SHMT1: variants seen among roughly 807,000 people sequenced by gnomAD.
SHMT1 encodes serine hydroxymethyltransferase, cytosolic.
Under a neutral mutation model 49.0 loss-of-function variants are expected in SHMT1, and 45 were observed. That is an observed-to-expected ratio of 0.92 (90% CI 0.72 to 1.18). The LOEUF is 1.18. Ranked by LOEUF, SHMT1 falls within the 50% of genes most tolerant of loss-of-function variation. SHMT1 has a pLI of 0.00. For synonymous variants in SHMT1, 232 were observed against 246.6 expected, an observed-to-expected ratio of 0.94 and a Z score of 0.55; for missense variants, 541 against 612.4, an observed-to-expected ratio of 0.88 and a Z score of 1.23.
chr17:18,356,033 A>C (rs765889531), intron 1 of SHMT1, 33 bp from the exon 2 acceptor site: 9 of 989,808 alleles, frequency 9.1e-6, no homozygotes, highest in Admixed American at 1.9e-5. Context: ...TGTAGCTTCC[A>C]GAATTAAATT....
At chr17:18,342,268 G>A (rs1031079745) in intron 5 of SHMT1, among the ~76,000 whole-genome samples, 3 of 152,064 alleles carry the variant, frequency 2.0e-5, no homozygotes, top group African/African-American at 7.2e-5. Flanking sequence ...GAACTTGGAG[G>A]ACCTTATGCT....
intron 9 of SHMT1, chr17:18,330,915 G>T: frequency 1.9e-6 from 1 of 528,474 alleles, no homozygotes; most frequent in East Asian, 3.7e-5. Flanking sequence ...ACACTCCCAT[G>T]GGGAAGGGAC....
At chr17:18,333,001 G>A in intron 9 of SHMT1, 165 bp downstream of exon 9, 1 of 832,858 alleles carries the variant, frequency 1.2e-6, no homozygotes, top group Non-Finnish European at 2.0e-6. Context: ...GTCTGAGGCA[G>A]GGGGAGGCTT....
At chr17:18,354,875 T>TA (rs1228722777) in intron 2 of SHMT1, among the ~76,000 whole-genome samples, 1,302 of 117,108 alleles carry the variant, frequency 0.011, 25 homozygotes, top group African/African-American at 0.024. Context: ...CCGTCTCTAC[T>TA]AAAAAAAAAA....
Position 18,340,040 on chromosome 17 carries a change from C to A in SHMT1, c.814+3G>T. ...CATCTGTACCCAACATTCGGGAGCT[C>A]ACCTTTCCTGTAGAAGATCATGCCA... On this transcript the variant is annotated splice_donor_region_variant and intron_variant, in intron 7 of 11. Transcript: ENST00000316694. This position sits in a 1 kb window ranked among gnomAD's most constrained non-coding sequence, Gnocchi z 4.5. 6.2e-7 allele frequency: 1 copy of A among 1,613,096 alleles called. No individual in the cohort carries two copies. Among genetic ancestry groups the A allele is most frequent in the Non-Finnish European group, 8.5e-7 (1 of 1,180,004 alleles).
chr17:18,350,540 G>C lies in SHMT1; in HGVS notation c.243-2100C>G, dbSNP rs1985574886. On this transcript the variant is annotated intron_variant, in intron 3 of 11. Coordinates refer to ENST00000316694, the MANE Select transcript of SHMT1 (RefSeq NM_004169.5). Reference sequence around the variant, plus strand: ...GTGGTCCTAGCTACAGAGAGGCTGAGGCAGGAGGATTGCTTGAGCCCAAGA... The same window carrying C: ...GTGGTCCTAGCTACAGAGAGGCTGACGCAGGAGGATTGCTTGAGCCCAAGA... Among the ~76,000 whole-genome samples the C allele has an allele frequency of 1.3e-5, 2 of 151,756 alleles. 1 individual carries two copies. The highest frequency in any genetic ancestry group is 4.2e-4 in the South Asian group (2 of 4,812).
intron 3 of SHMT1, among the ~76,000 whole-genome samples, chr17:18,352,335 A>G (rs1418423163): frequency 6.6e-6 from 1 of 151,636 alleles, no homozygotes; most frequent in Admixed American, 6.6e-5. Flanking sequence ...TTTAGTAGAG[A>G]CGGGGTTTCA....
At position 18,339,921 on chromosome 17, in the gene SHMT1, A is replaced by G. The variant is rs1057140671; in HGVS notation, c.814+122T>C. 10 of 976,394 alleles carry G rather than the reference A, an allele frequency of 1.0e-5. No homozygotes were observed. In the African/African-American group the frequency reaches 1.3e-4, roughly 13 times the overall value. 60.5% of individuals were successfully genotyped at this position (976,394 alleles called of 1,614,324 possible). A position where few individuals can be genotyped will look rare whatever the true frequency, so the allele number is the denominator to read the frequency against. On this transcript the variant is annotated intron_variant, in intron 7 of 11. Transcript: ENST00000316694. ...CTAAGCAGCTCTTTAAGGGACTGGG[A>G]TCTTAATATTTTCCAAGGATCCCAG...
At chr17:18,330,081 C>T (rs775019258) in intron 10 of SHMT1, among the ~76,000 whole-genome samples, 2 of 151,990 alleles carry the variant, frequency 1.3e-5, no homozygotes, top group Non-Finnish European at 2.9e-5. Context: ...CCTCGTGATC[C>T]ACCCACCTCG....
rs1984371927 is a variant in SHMT1, at chr17:18,340,456, G to A, written c.602-201C>T. The A allele has an allele frequency of 1.5e-6, 1 of 687,910 alleles. No homozygotes were observed. The highest frequency in any genetic ancestry group is 1.8e-5 in the African/African-American group (1 of 56,340). 42.6% of individuals were successfully genotyped at this position (687,910 alleles called of 1,614,324 possible). On this transcript the variant is annotated intron_variant, in intron 6 of 11. Coordinates refer to ENST00000316694, the MANE Select transcript of SHMT1 (RefSeq NM_004169.5). The surrounding 1 kb of genome is among the most constrained non-coding windows in gnomAD (Gnocchi z 4.5). The stretch of plus-strand genomic sequence containing the variant: ...CTAACTCTTCAACGTCTTGGTGGTT[G>A]AGATGGCCCCAACTACTATTGCCAG...
chr17:18,357,864 CTTT>C (rs1165307729), intron 1 of SHMT1, among the ~76,000 whole-genome samples: 3 of 121,456 alleles, frequency 2.5e-5, no homozygotes, highest in Admixed American at 8.6e-5. Flanking sequence ...AGCTAGGACT[CTTT>C]TTTTTTTTTT....
chr17:18,359,773 C>T (rs1036895827), intron 1 of SHMT1, among the ~76,000 whole-genome samples: 2 of 151,546 alleles, frequency 1.3e-5, no homozygotes, highest in South Asian at 2.1e-4. Context: ...TGGTGAAACC[C>T]CATCTCCACT....
rs374036691 is a variant in SHMT1, at chr17:18,356,000, C to G, written c.-19G>C. 3.2e-6 allele frequency: 5 copies of G among 1,553,286 alleles called. No individual in the cohort carries two copies. The highest frequency in any genetic ancestry group is 3.5e-6 in the Non-Finnish European group (4 of 1,126,960). ...TCGTCATTGCACTGGTTCGAAGCTGCCTAAAAAAATGGGAAAAACATGTGT... is the reference window on the plus strand; with the variant it reads ...TCGTCATTGCACTGGTTCGAAGCTGGCTAAAAAAATGGGAAAAACATGTGT... On this transcript the variant is annotated splice_region_variant and 5_prime_UTR_variant, in exon 2 of 12. Coordinates refer to ENST00000316694, the MANE Select transcript of SHMT1 (RefSeq NM_004169.5).
At chr17:18,341,003 G>GC in intron 5 of SHMT1, 190 bp from the exon 6 acceptor site, 1 of 629,782 alleles carries the variant, frequency 1.6e-6, no homozygotes, top group Non-Finnish European at 2.9e-6. Flanking sequence ...AGACCCAGGA[G>GC]TCCCTGAGGA....
intron 3 of SHMT1, among the ~76,000 whole-genome samples, chr17:18,350,673 C>A (rs1985589651): frequency 6.6e-6 from 1 of 152,002 alleles, no homozygotes. Flanking sequence ...TTGTTTTAAA[C>A]CCAGAACTTT....
chr17:18,345,965 A>G (rs1985046853), intron 5 of SHMT1, among the ~76,000 whole-genome samples: 1 of 152,128 alleles, frequency 6.6e-6, no homozygotes, highest in African/African-American at 2.4e-5. Context: ...TACAGGTGTG[A>G]GCCACCGAGC....
intron 9 of SHMT1, chr17:18,332,927 G>A (rs2151566425): frequency 1.7e-6 from 1 of 580,344 alleles, no homozygotes; most frequent in South Asian, 1.7e-5. Flanking sequence ...CAGTCCTTAT[G>A]CTGGTGACCA....
Position 18,353,773 on chromosome 17 carries a change from TCCAAC to T in SHMT1, c.136_140del (p.Val46IlefsTer24). ...AATTCTCCGAGGCAATCAGCTCCAA[TCCAAC>T]CCTCTGCCGGTTACTCTCCTTCTTA... On this transcript the variant is annotated frameshift_variant, in exon 3 of 12. Transcript: ENST00000316694. LOFTEE classifies it high-confidence loss of function. 1 of 1,614,098 alleles carries T rather than the reference TCCAAC, an allele frequency of 6.2e-7. No homozygotes were observed. Among genetic ancestry groups the T allele is most frequent in the Non-Finnish European group, 8.5e-7 (1 of 1,179,986 alleles).
chr17:18,329,030 G>C (rs1446856036), intron 11 of SHMT1, 111 bp from the exon 12 acceptor site: 1 of 1,369,072 alleles, frequency 7.3e-7, no homozygotes, highest in African/African-American at 1.4e-5. Context: ...GAGTGTGGCA[G>C]GGCACAAGGT....
Sources: allele counts gnomAD v4.1 joint callset (sites outside exome capture counted in the v4.1 genomes callset), GRCh38; gene constraint gnomAD v4.1.1; non-coding constraint Gnocchi (gnomAD v3.1); transcripts MANE v1.5; gene names NCBI Gene and HGNC (gene_info 2026-07-23, HGNC 2026-07-21).